The following DHTKD1 variants were observed in gnomAD, a reference collection of about 807,000 sequenced individuals.
DHTKD1 encodes the protein dehydrogenase E1 and transketolase domain containing 1, also known as 2-oxoadipate dehydrogenase complex component E1.
In DHTKD1, 78 loss-of-function variants were observed where a neutral mutation model predicts 101.8. The observed-to-expected ratio is 0.77, with a 90% CI of 0.64 to 0.93. The LOEUF (loss-of-function observed/expected upper bound fraction) is 0.93. Ranked by LOEUF, DHTKD1 falls within the 40% of genes least tolerant of loss-of-function variation. The pLI, the probability that DHTKD1 is intolerant of heterozygous loss-of-function variation, is 0.00. For synonymous variants in DHTKD1, 462 were observed against 450.3 expected (o/e 1.03, Z -0.33); for missense variants, 1,223 against 1,161.7 (o/e 1.05, Z -0.77).
intron 4 of DHTKD1, among the ~76,000 whole-genome samples, chr10:12,088,177 G>C (rs911899608): frequency 6.6e-6 from 1 of 151,992 alleles, no homozygotes; most frequent in Non-Finnish European, 1.5e-5. Context: ...GTCAACTAAG[G>C]CTGGGCAAGG....
chr10:12,082,759 T>G (rs1182642485), intron 2 of DHTKD1, among the ~76,000 whole-genome samples: 2 of 152,008 alleles, frequency 1.3e-5, no homozygotes, highest in African/African-American at 4.8e-5. Flanking sequence ...TGGAATATAG[T>G]GGTGATGCAT....
chr10:12,091,365 T>C (rs987807834), intron 5 of DHTKD1, 148 bp from the exon 6 acceptor site: 2 of 533,492 alleles, frequency 3.7e-6, no homozygotes, highest in African/African-American at 2.2e-5. Flanking sequence ...TGAGCTGAGA[T>C]CGTGCCATTT....
At chr10:12,070,771 G>A (rs569788994) in intron 1 of DHTKD1, among the ~76,000 whole-genome samples, 36 of 152,326 alleles carry the variant, frequency 2.4e-4, no homozygotes, top group African/African-American at 8.2e-4. Flanking sequence ...TTACAGGCAT[G>A]AGCCACCGTG....
intron 2 of DHTKD1, 98 bp downstream of exon 2, chr10:12,081,725 G>A (rs1443198965): frequency 1.4e-6 from 2 of 1,406,852 alleles, no homozygotes; most frequent in Non-Finnish European, 2.0e-6. Flanking sequence ...TGGAGCTGAG[G>A]CTCCCGCAGG....
At position 12,069,150 on chromosome 10, in the gene DHTKD1, G is replaced by C. The variant is rs1025113816; in HGVS notation, c.117G>C (p.Glu39Asp). 3 of 1,571,204 alleles carry C rather than the reference G, an allele frequency of 1.9e-6. No homozygotes were observed. The highest frequency in any genetic ancestry group is 2.6e-6 in the Non-Finnish European group (3 of 1,160,408). The change falls in exon 1 of 17, where the codon GAG becomes GAC. Residue 39 changes from glutamate to aspartate, a missense_variant. Physicochemically the swap from Glu to Asp is conservative, Grantham distance 45. Coordinates refer to ENST00000263035, the MANE Select transcript of DHTKD1 (RefSeq NM_018706.7). Reference sequence around the variant, plus strand: ...ACGGCTACCGGCCGAGGAAGCCCGAGAGCCGCGAGCCCCAGGGCGCCCTGG... The same window carrying C: ...ACGGCTACCGGCCGAGGAAGCCCGACAGCCGCGAGCCCCAGGGCGCCCTGG... ...GVYGYRPRKP[E>D]SREPQGALER...
chr10:12,075,558 A>G (rs1203140644), intron 1 of DHTKD1, among the ~76,000 whole-genome samples: 1 of 116,044 alleles, frequency 8.6e-6, no homozygotes, highest in East Asian at 2.6e-4. Flanking sequence ...TATTTTTTGT[A>G]GAGACAGGGT....
At chr10:12,119,632 A>AAAG (rs1833492770) in intron 15 of DHTKD1, among the ~76,000 whole-genome samples, 1 of 150,900 alleles carries the variant, frequency 6.6e-6, no homozygotes, top group African/African-American at 2.4e-5. Context: ...AAAAAAAAAA[A>AAAG]AAAGAAAGAA....
Position 12,080,046 on chromosome 10 carries a change from C to T in DHTKD1, c.155-1426C>T, listed in dbSNP as rs376125848. ...CTGTAATCCCGGCACTTTGGGAGGC[C>T]GAGGTGGGTGGATCATGGCATCAGG... On this transcript the variant is annotated intron_variant, in intron 1 of 16. Transcript: ENST00000263035. Among the ~76,000 whole-genome samples, 63 of 151,714 alleles carry T rather than the reference C, an allele frequency of 4.2e-4. No individual in the cohort carries two copies. The East Asian group carries it at 6.7e-3, about 16-fold the overall frequency.
intron 5 of DHTKD1, among the ~76,000 whole-genome samples, chr10:12,090,926 C>A (rs891481413): frequency 1.3e-5 from 2 of 152,134 alleles, no homozygotes; most frequent in East Asian, 3.9e-4. Flanking sequence ...TGGTGGCGGG[C>A]GCCTGTAGTC....
rs1833270417 is a variant in DHTKD1, at chr10:12,107,649, C to A, written c.2048-260C>A. On this transcript the variant is annotated intron_variant, in intron 11 of 16. Coordinates refer to ENST00000263035, the MANE Select transcript of DHTKD1 (RefSeq NM_018706.7). The surrounding 1 kb of genome is among the most constrained non-coding windows in gnomAD (Gnocchi z 4.1). ...GCCAGGCTGGTCTCGAACACCTGAC[C>A]TCAAGTGATCTATCCGCCTCAGCCT... Among the ~76,000 whole-genome samples, 2 of 151,288 alleles carry A rather than the reference C, an allele frequency of 1.3e-5. No homozygotes were observed. Among genetic ancestry groups the A allele is most frequent in the African/African-American group, 4.9e-5 (2 of 41,168 alleles).
intron 15 of DHTKD1, among the ~76,000 whole-genome samples, chr10:12,119,122 C>G (rs545550138): frequency 1.3e-5 from 2 of 151,062 alleles, no homozygotes; most frequent in African/African-American, 4.9e-5. Flanking sequence ...CTGGCTAACA[C>G]GGTGAACCCC....
intron 10 of DHTKD1, among the ~76,000 whole-genome samples, chr10:12,105,249 A>G (rs1833224920): frequency 6.6e-6 from 1 of 152,102 alleles, no homozygotes; most frequent in Non-Finnish European, 1.5e-5. Flanking sequence ...TGCAAATACG[A>G]TGTTAGAATA....
intron 12 of DHTKD1, among the ~76,000 whole-genome samples, chr10:12,111,037 C>T (rs1221483062): frequency 7.4e-6 from 1 of 134,346 alleles, no homozygotes; most frequent in Non-Finnish European, 1.6e-5. Context: ...GAGAGCCAGA[C>T]CCTGTCTCAA....
chr10:12,089,230 C>A lies in DHTKD1; in HGVS notation c.962C>A (p.Pro321Gln). Reference sequence around the variant, plus strand: ...TACTCTCCAGACAACTCAGCCCAGCCGGGGGACAGGGTCATTTGCTTACAG... The same window carrying A: ...TACTCTCCAGACAACTCAGCCCAGCAGGGGGACAGGGTCATTTGCTTACAG... ...GDYSPDNSAQ[P>Q]GDRVICLQVH... The change falls in exon 5 of 17, where the codon CCG becomes CAG. Residue 321 changes from proline (P) to glutamine (Q), a missense_variant. Physicochemically the swap from Pro to Gln is moderately conservative, Grantham distance 76. Transcript: ENST00000263035. 6.2e-7 allele frequency: 1 copy of A among 1,614,042 alleles called. No homozygotes were observed. The highest frequency in any genetic ancestry group is 8.5e-7 in the Non-Finnish European group (1 of 1,180,034).
At chr10:12,108,777 A>G (rs1833287159) in intron 12 of DHTKD1, among the ~76,000 whole-genome samples, 2 of 152,116 alleles carry the variant, frequency 1.3e-5, no homozygotes, top group African/African-American at 2.4e-5. Flanking sequence ...ATTTTTTATT[A>G]TACTTGTTTT....
intron 9 of DHTKD1, among the ~76,000 whole-genome samples, chr10:12,100,722 A>G (rs1304062369): frequency 1.3e-5 from 2 of 152,134 alleles, no homozygotes; most frequent in Non-Finnish European, 2.9e-5. Flanking sequence ...AATATTACTT[A>G]TTTGTAGTAT....
Position 12,091,626 on chromosome 10 carries a change from G to C in DHTKD1, c.1101G>C (p.Gln367His), listed in dbSNP as rs777534408. The C allele has an allele frequency of 2.5e-6, 4 of 1,613,680 alleles. No homozygotes were observed. Among genetic ancestry groups the C allele is most frequent in the Non-Finnish European group, 3.4e-6 (4 of 1,179,982 alleles). ...GTGTGCATTTGATTGTTAATAACCA[G>C]CTGGGTTACACCACTCCAGCTGAAA... ...GGSVHLIVNN[Q>H]LGYTTPAERG... Residue 367 changes from glutamine (Q) to histidine (H), a missense_variant, in exon 6 of 17, where the codon CAG (glutamine) becomes CAC (histidine). By Grantham distance (24) the Gln-to-His change is conservative. Transcript: ENST00000263035.
chr10:12,106,798 A>G (rs565747051), intron 11 of DHTKD1, among the ~76,000 whole-genome samples: 2 of 152,254 alleles, frequency 1.3e-5, no homozygotes, highest in South Asian at 4.1e-4. Context: ...TGGGTTTTGA[A>G]TACCTGCCTT....
rs1458751911 is a variant in DHTKD1, at chr10:12,122,104, A to T, written c.*1216A>T. 2.6e-5 allele frequency: 4 copies of T among 152,162 alleles called. No homozygotes were observed. The highest frequency in any genetic ancestry group is 2.6e-4 in the Admixed American group (4 of 15,242). The allele number at this position is 152,162 out of a possible 1,614,324, so 9.4% of individuals were successfully genotyped here. On this transcript the variant is annotated 3_prime_UTR_variant, in exon 17 of 17. Transcript: ENST00000263035. ...CTAAATACAAATCTCTGGGTGGATG[A>T]TCTTCTAGTACTGTATTTTTAAATT...
Sources: allele counts gnomAD v4.1 joint callset (sites outside exome capture counted in the v4.1 genomes callset), GRCh38; gene constraint gnomAD v4.1.1; non-coding constraint Gnocchi (gnomAD v3.1); transcripts MANE v1.5; gene names NCBI Gene and HGNC (gene_info 2026-07-23, HGNC 2026-07-21).